The following SPATA13 variants were observed in gnomAD, a reference collection of about 807,000 sequenced individuals.
SPATA13 encodes the protein spermatogenesis-associated protein 13.
A neutral mutation model predicts 104.0 loss-of-function variants in SPATA13; 50 were observed. The observed-to-expected ratio is 0.48, with a 90% CI of 0.38 to 0.61. The LOEUF is 0.61. SPATA13 is among the 20% of genes least tolerant of loss of function. SPATA13 has a pLI of 0.00. For missense variants in SPATA13, 1,524 were observed against 1,690.6 expected, an observed-to-expected ratio of 0.90 and a Z score of 1.73; for synonymous variants, 606 against 667.5, an observed-to-expected ratio of 0.91 and a Z score of 1.42.
At position 24,231,164 on chromosome 13, in the gene SPATA13, A is replaced by G. The variant is rs558324454; in HGVS notation, c.1653+6582A>G. Among the ~76,000 whole-genome samples, 208 of 152,202 alleles carry G rather than the reference A, an allele frequency of 1.4e-3. 2 individuals are homozygous for G. Among genetic ancestry groups the G allele is most frequent in the South Asian group, 4.8e-3 (23 of 4,822 alleles). ...ACACCTTTTATTAAGCGAACAATTCAGTGATTTTTATATGTTTATGGAGCT... is the reference window on the plus strand; with the variant it reads ...ACACCTTTTATTAAGCGAACAATTCGGTGATTTTTATATGTTTATGGAGCT... On this transcript the variant is annotated intron_variant, in intron 2 of 12. Coordinates refer to ENST00000382108, the MANE Select transcript of SPATA13 (RefSeq NM_001166271.3).
intron 11 of SPATA13, among the ~76,000 whole-genome samples, chr13:24,298,328 A>T (rs1876938559): frequency 6.6e-6 from 1 of 152,044 alleles, no homozygotes; most frequent in Non-Finnish European, 1.5e-5. Context: ...CATGCTTCCC[A>T]TCTCTCCCTA....
chr13:24,090,486 G>A (rs921134971), intron 3 of SPATA13, among the ~76,000 whole-genome samples: 8 of 152,092 alleles, frequency 5.3e-5, no homozygotes, highest in African/African-American at 9.7e-5. Flanking sequence ...CTCACCGAAC[G>A]GTGTCCTCAC....
At position 24,104,294 on chromosome 13, in the gene SPATA13, A is replaced by C. The variant is rs1216249971; in HGVS notation, c.-112+86593A>C. ...GGAAAGAATGTTTGGTGTTTTGACA[A>C]AAAGGATTTTACTTCATCTTAATTT... On this transcript the variant is annotated intron_variant, in intron 3 of 14. Coordinates refer to the SPATA13 transcript ENST00000424834. Among the ~76,000 whole-genome samples, 3 of 152,050 alleles carry C rather than the reference A, an allele frequency of 2.0e-5. No individual in the cohort carries two copies. The East Asian group carries it at 5.8e-4, about 29-fold the overall frequency.
Position 24,161,328 on chromosome 13 carries a change from G to C in SPATA13, c.-112+396G>C, listed in dbSNP as rs1882480123. On this transcript the variant is annotated intron_variant, in intron 1 of 12. Coordinates refer to ENST00000382108, the MANE Select transcript of SPATA13 (RefSeq NM_001166271.3). This position sits in a 1 kb window ranked among gnomAD's most constrained non-coding sequence, Gnocchi z 4.5. ...GGTGGCAGAGTCTGGGGAGCCTGGC[G>C]CGGCGGAGCCCTGTAACGCTCTGCT... 6.6e-6 allele frequency among the ~76,000 whole-genome samples: 1 copy of C among 152,208 alleles called. No homozygotes were observed. The highest frequency in any genetic ancestry group is 6.5e-5 in the Admixed American group (1 of 15,290).
chr13:24,255,178 C>T (rs775368051), intron 4 of SPATA13, among the ~76,000 whole-genome samples: 6 of 152,134 alleles, frequency 3.9e-5, no homozygotes, highest in African/African-American at 9.7e-5. Context: ...CATTTGCCGC[C>T]GGGAGTTTCC....
chr13:24,154,917 G>A (rs974312037), intron 3 of SPATA13, among the ~76,000 whole-genome samples: 1 of 152,194 alleles, frequency 6.6e-6, no homozygotes, highest in Admixed American at 6.5e-5. Context: ...GAGTGCAATA[G>A]CATGATCTTG....
At chr13:24,033,506 G>T (rs1394978387) in intron 3 of SPATA13, 1 of 152,220 alleles carries the variant, frequency 6.6e-6, no homozygotes, top group Non-Finnish European at 1.5e-5. Context: ...TATCCTCTTG[G>T]TTTCAGCTCG....
At chr13:24,087,671 T>A (rs1395438771) in intron 3 of SPATA13, among the ~76,000 whole-genome samples, 5 of 152,174 alleles carry the variant, frequency 3.3e-5, no homozygotes, top group Non-Finnish European at 7.4e-5. Flanking sequence ...ATGGCATCTT[T>A]CATCCCCTCT....
intron 4 of SPATA13, among the ~76,000 whole-genome samples, chr13:24,283,559 A>G (rs1456422697): frequency 2.0e-5 from 3 of 152,240 alleles, no homozygotes; most frequent in African/African-American, 4.8e-5. Context: ...AAGCTGCACC[A>G]TCCTTAAAAG....
At chr13:24,028,975 G>C (rs1280656130) in intron 3 of SPATA13, among the ~76,000 whole-genome samples, 1 of 152,008 alleles carries the variant, frequency 6.6e-6, no homozygotes, top group East Asian at 1.9e-4. Context: ...AAGTCCTGGT[G>C]AGCCTGGGCC....
chr13:24,000,243 AAG>A, intron 2 of SPATA13, among the ~76,000 whole-genome samples: 1 of 152,350 alleles, frequency 6.6e-6, no homozygotes, highest in Non-Finnish European at 1.5e-5. Flanking sequence ...AGGGGCTGGG[AAG>A]CCTTCACTGA....
At chr13:24,265,093 A>T (rs1190994588) in intron 4 of SPATA13, among the ~76,000 whole-genome samples, 6 of 152,226 alleles carry the variant, frequency 3.9e-5, no homozygotes, top group Non-Finnish European at 1.5e-5. Flanking sequence ...GTCTTGAAGC[A>T]GGCCGGGGCG....
At chr13:23,994,190 A>G (rs1486366993) in intron 2 of SPATA13, among the ~76,000 whole-genome samples, 1 of 152,202 alleles carries the variant, frequency 6.6e-6, no homozygotes, top group Non-Finnish European at 1.5e-5. Flanking sequence ...ACTACTGTGA[A>G]AGGATTAGGG....
chr13:24,193,983 G>T (rs1023769096), intron 1 of SPATA13, among the ~76,000 whole-genome samples: 7 of 152,180 alleles, frequency 4.6e-5, no homozygotes, highest in Non-Finnish European at 1.0e-4. Context: ...GCAGAAACTG[G>T]AAAAGAGTTT....
intron 4 of SPATA13, among the ~76,000 whole-genome samples, chr13:24,253,882 G>A (rs1219590758): frequency 6.6e-6 from 1 of 152,206 alleles, no homozygotes; most frequent in Non-Finnish European, 1.5e-5. Flanking sequence ...GGCAGACGAG[G>A]ATGTTGCAGG....
chr13:24,183,247 A>C (rs1190409354), intron 1 of SPATA13, among the ~76,000 whole-genome samples: 2 of 152,194 alleles, frequency 1.3e-5, no homozygotes, highest in African/African-American at 4.8e-5. Context: ...TATATGAAAC[A>C]TTTTTCAATA....
At chr13:24,134,817 A>G (rs1421297295) in intron 3 of SPATA13, among the ~76,000 whole-genome samples, 28 of 152,142 alleles carry the variant, frequency 1.8e-4, no homozygotes, top group Non-Finnish European at 5.9e-5. Flanking sequence ...GTGTCCCCCA[A>G]AATTTTGCAT....
chr13:24,115,468 A>G (rs1165987589), intron 3 of SPATA13, among the ~76,000 whole-genome samples: 14 of 152,256 alleles, frequency 9.2e-5, no homozygotes, highest in Admixed American at 9.2e-4. Flanking sequence ...CGTGAACCCT[A>G]TTGCAAACCG....
intron 2 of SPATA13, among the ~76,000 whole-genome samples, chr13:24,247,668 G>C (rs759919503): frequency 4.6e-5 from 7 of 151,850 alleles, no homozygotes; most frequent in Non-Finnish European, 1.0e-4. Context: ...TATTTTAGTA[G>C]AGACAGGGTT....
Sources: allele counts gnomAD v4.1 joint callset (sites outside exome capture counted in the v4.1 genomes callset), GRCh38; gene constraint gnomAD v4.1.1; non-coding constraint Gnocchi (gnomAD v3.1); transcripts MANE v1.5; gene names NCBI Gene and HGNC (gene_info 2026-07-23, HGNC 2026-07-21).